Variants in ANKRD30A observed in about 807,000 individuals in gnomAD.
ANKRD30A encodes the protein ankyrin repeat domain-containing protein 30A.
In ANKRD30A, 170 loss-of-function variants were observed where a neutral mutation model predicts 166.3. The ratio of observed to expected loss-of-function variants is 1.02; its 90% CI spans 0.90 to 1.16. ANKRD30A has a LOEUF of 1.16. Among genes scored for constraint, ANKRD30A ranks in the 50% most tolerant of loss-of-function variants. The pLI is 0.00. For missense variants in ANKRD30A, 1,630 were observed against 1,518.0 expected (o/e 1.07, Z -1.23); for synonymous variants, 564 against 508.9 (o/e 1.11, Z -1.46).
intron 31 of ANKRD30A, among the ~76,000 whole-genome samples, chr10:37,204,963 G>T (rs919082061): frequency 6.6e-6 from 1 of 152,132 alleles, no homozygotes; most frequent in African/African-American, 2.4e-5. Context: ...GTGCTGGAGA[G>T]GATGTGGAGA....
At chr10:37,127,451 C>T (rs1836118019) in intron 1 of ANKRD30A, among the ~76,000 whole-genome samples, 1 of 151,976 alleles carries the variant, frequency 6.6e-6, no homozygotes, top group South Asian at 2.1e-4. Context: ...AATTAAGTCA[C>T]CCTGCATATG....
chr10:37,135,042 G>A (rs1836596983), intron 5 of ANKRD30A, among the ~76,000 whole-genome samples: 1 of 152,150 alleles, frequency 6.6e-6, no homozygotes, highest in Admixed American at 6.5e-5. Flanking sequence ...ACCCTCAAGT[G>A]ATTCTTTTTT....
the ANKRD30A span, among the ~76,000 whole-genome samples, chr10:37,259,857 G>A: frequency 6.6e-6 from 1 of 152,162 alleles, no homozygotes. Flanking sequence ...GGCTCCGGGT[G>A]TTTGTAATTT....
At chr10:37,152,337 A>C (rs1411485280) in intron 12 of ANKRD30A, among the ~76,000 whole-genome samples, 27 of 152,126 alleles carry the variant, frequency 1.8e-4, no homozygotes, top group Admixed American at 1.7e-3. Context: ...TTAAGAAGCC[A>C]AAGTGGTATA....
At chr10:37,265,863 G>A in the ANKRD30A span, among the ~76,000 whole-genome samples, 7 of 152,298 alleles carry the variant, frequency 4.6e-5, no homozygotes, top group Admixed American at 1.3e-4. Flanking sequence ...CTTACTCTGC[G>A]GAAGTAAACA....
downstream of ANKRD30A, among the ~76,000 whole-genome samples, chr10:37,237,564 C>A (rs986459584): frequency 3.9e-5 from 6 of 152,054 alleles, no homozygotes; most frequent in Non-Finnish European, 5.9e-5. Context: ...ATTGTGGATA[C>A]ATTTTTTCTC....
the ANKRD30A span, among the ~76,000 whole-genome samples, chr10:37,259,281 T>C: frequency 4.6e-5 from 7 of 152,182 alleles, no homozygotes; most frequent in African/African-American, 1.7e-4. Flanking sequence ...TCAGAAAATG[T>C]CTTCATCAAA....
chr10:37,260,787 G>T, the ANKRD30A span, among the ~76,000 whole-genome samples: 1 of 152,118 alleles, frequency 6.6e-6, no homozygotes, highest in South Asian at 2.1e-4. Flanking sequence ...TCTGGACTGA[G>T]TATAAAAAAG....
In ANKRD30A at chr10:37,199,798, G is replaced by C. The variant is rs201497656; in HGVS notation, c.2778+10G>C. The C allele has an allele frequency of 1.1e-5, 17 of 1,519,874 alleles. No homozygotes were observed. The highest frequency in any genetic ancestry group is 1.4e-5 in the Non-Finnish European group (16 of 1,112,370). 94.1% of individuals were successfully genotyped at this position (1,519,874 alleles called of 1,614,324 possible). The stretch of plus-strand genomic sequence containing the variant: ...TTCTTGGGATTCTGAGGTACTATGT[G>C]TTATTGATTTTTTTAAATATTAGTA... On this transcript the variant is annotated intron_variant, in intron 30 of 35. Coordinates refer to ENST00000361713, the MANE Select transcript of ANKRD30A (RefSeq NM_052997.3).
chr10:37,207,050 C>T (rs1452537555), intron 31 of ANKRD30A, among the ~76,000 whole-genome samples: 1 of 151,912 alleles, frequency 6.6e-6, no homozygotes, highest in Non-Finnish European at 1.5e-5. Context: ...TGCCCTCTTA[C>T]ATGAGGGGAT....
chr10:37,247,040 A>C, the ANKRD30A span, among the ~76,000 whole-genome samples: 1 of 152,184 alleles, frequency 6.6e-6, no homozygotes, highest in Non-Finnish European at 1.5e-5. Flanking sequence ...CTCTGTCAAA[A>C]GACAAAATTA....
At chr10:37,199,649 A>T (rs1841457857) in intron 29 of ANKRD30A, 78 bp from the exon 30 acceptor site, 1 of 944,656 alleles carries the variant, frequency 1.1e-6, no homozygotes, top group Non-Finnish European at 1.6e-6. Context: ...TCGTGAATGA[A>T]AGTAGATTTG....
chr10:37,216,450 G>A lies in ANKRD30A; in HGVS notation c.3083+56G>A, dbSNP rs559487155. On this transcript the variant is annotated intron_variant, in intron 32 of 35. Transcript: ENST00000361713. Reference sequence around the variant, plus strand: ...CAGCTATTTATACTAAAACTACGTAGGATACTTTTTGTAATAGCTGACTTA... The same window carrying A: ...CAGCTATTTATACTAAAACTACGTAAGATACTTTTTGTAATAGCTGACTTA... The A allele has an allele frequency of 5.4e-5, 79 of 1,475,844 alleles. 1 individual carries two copies. In the East Asian group the frequency reaches 1.5e-3, roughly 28 times the overall value. 91.4% of individuals were successfully genotyped at this position (1,475,844 alleles called of 1,614,324 possible).
At chr10:37,194,877 G>A (rs1840945048) in intron 27 of ANKRD30A, among the ~76,000 whole-genome samples, 1 of 152,198 alleles carries the variant, frequency 6.6e-6, no homozygotes, top group East Asian at 1.9e-4. Flanking sequence ...TGAAGTGGGA[G>A]TATTTACTGC....
At chr10:37,250,624 C>A in the ANKRD30A span, among the ~76,000 whole-genome samples, 2 of 152,046 alleles carry the variant, frequency 1.3e-5, no homozygotes, top group Non-Finnish European at 2.9e-5. Flanking sequence ...TGGAGGTGAT[C>A]AGGTTTTGAG....
intron 1 of ANKRD30A, among the ~76,000 whole-genome samples, chr10:37,126,645 CA>C (rs1836038238): frequency 6.6e-6 from 1 of 152,114 alleles, no homozygotes; most frequent in South Asian, 2.1e-4. Flanking sequence ...AACGTTTTAA[CA>C]TTTTTTAAAT....
At chr10:37,136,858 AT>A (rs1836730092) in intron 6 of ANKRD30A, among the ~76,000 whole-genome samples, 187 bp downstream of exon 6, 1 of 137,338 alleles carries the variant, frequency 7.3e-6, no homozygotes, top group East Asian at 2.0e-4. Flanking sequence ...TATAGCTTTG[AT>A]TTGATTTTTT....
At chr10:37,192,361 G>A (rs1840660887) in intron 25 of ANKRD30A, among the ~76,000 whole-genome samples, 1 of 151,998 alleles carries the variant, frequency 6.6e-6, no homozygotes, top group South Asian at 2.1e-4. Context: ...GTTTGTTGAT[G>A]GGTATGCTTG....
At chr10:37,247,301 A>G in the ANKRD30A span, among the ~76,000 whole-genome samples, 4 of 152,228 alleles carry the variant, frequency 2.6e-5, no homozygotes, top group African/African-American at 4.8e-5. Flanking sequence ...GTCACTCCAC[A>G]TCAGCCCTCA....
Sources: gnomAD v4.1 joint callset for allele counts (sites outside exome capture counted in the v4.1 genomes callset) on GRCh38, gnomAD v4.1.1 for gene constraint, MANE v1.5 for transcripts, NCBI Gene and HGNC (gene_info 2026-07-23, HGNC 2026-07-21) for gene names.